OPRM1: variants seen among roughly 807,000 people sequenced by gnomAD.
The protein encoded by OPRM1 is opioid receptor mu 1, also known as mu-type opioid receptor.
Under a neutral mutation model 31.8 loss-of-function variants are expected in OPRM1, and 27 were observed. The ratio of observed to expected loss-of-function variants is 0.85; its 90% CI spans 0.63 to 1.17. OPRM1 has a LOEUF of 1.17. Ranked by LOEUF, OPRM1 falls within the 50% of genes most tolerant of loss-of-function variation. The pLI, the probability that OPRM1 is intolerant of heterozygous loss-of-function variation, is 0.00. For synonymous variants in OPRM1, 196 were observed against 189.9 expected, an observed-to-expected ratio of 1.03 and a Z score of -0.26; for missense variants, 536 against 511.1, an observed-to-expected ratio of 1.05 and a Z score of -0.47.
chr6:154,221,412 G>T, intron 3 of OPRM1: 1 of 1,047,386 alleles, frequency 9.5e-7, no homozygotes, highest in Non-Finnish European at 1.4e-6. Context: ...TAAAATACAA[G>T]CTTTGTAAAC....
intron 3 of OPRM1, among the ~76,000 whole-genome samples, chr6:154,106,596 A>G (rs1437799817): frequency 1.3e-5 from 2 of 152,242 alleles, no homozygotes; most frequent in African/African-American, 4.8e-5. Context: ...CACACAGAAT[A>G]TCTGAGGCAT....
At chr6:154,029,699 TC>T (rs1173301319) in intron 1 of OPRM1, among the ~76,000 whole-genome samples, 5 of 152,180 alleles carry the variant, frequency 3.3e-5, no homozygotes, top group Non-Finnish European at 4.4e-5. Context: ...GTTTCCATAA[TC>T]CCCGCATGTC....
At position 154,229,499 on chromosome 6, in the gene OPRM1, G is replaced by A. The variant is rs4304180; in HGVS notation, c.1165-17194G>A. On this transcript the variant is annotated intron_variant, in intron 3 of 3. Coordinates refer to the OPRM1 transcript ENST00000337049. ...CGAGTAGCTGGGACTACAGGCACCC[G>A]CCACCACACCCGGCTCATTTTTTGT... is the stretch of plus-strand genomic sequence containing the variant. Among the ~76,000 whole-genome samples, 11 of 151,476 alleles carry A rather than the reference G, an allele frequency of 7.3e-5. No homozygotes were observed. The East Asian group carries it at 7.8e-4, about 11-fold the overall frequency.
intron 3 of OPRM1, among the ~76,000 whole-genome samples, chr6:154,151,664 A>G (rs1798501658): frequency 6.6e-6 from 1 of 151,740 alleles, no homozygotes; most frequent in South Asian, 2.1e-4. Flanking sequence ...CATGAGGACA[A>G]TAATGTGCTA....
intron 3 of OPRM1, among the ~76,000 whole-genome samples, chr6:154,219,561 C>T (rs539163751): frequency 3.9e-5 from 6 of 152,130 alleles, no homozygotes; most frequent in African/African-American, 1.2e-4. Context: ...TGCTAGCGGG[C>T]GAGACCTTGT....
intron 3 of OPRM1, among the ~76,000 whole-genome samples, chr6:154,141,564 T>C (rs1294441473): frequency 6.6e-6 from 1 of 152,110 alleles, no homozygotes; most frequent in Non-Finnish European, 1.5e-5. Context: ...CCTCAGGAGG[T>C]CCTGACGACA....
intron 3 of OPRM1, among the ~76,000 whole-genome samples, chr6:154,192,324 G>A (rs2657572): frequency 0.028 from 3,473 of 125,406 alleles, 54 homozygotes; most frequent in Non-Finnish European, 0.041. Context: ...GTTACTGTGT[G>A]TGTGTGTGTG....
At chr6:154,085,769 G>T (rs1166506794) in intron 1 of OPRM1, among the ~76,000 whole-genome samples, 2 of 151,720 alleles carry the variant, frequency 1.3e-5, no homozygotes, top group African/African-American at 4.8e-5. Context: ...TCTTTTGCTA[G>T]TTTGCTAACT....
intron 3 of OPRM1, among the ~76,000 whole-genome samples, chr6:154,140,883 T>C (rs1180339966): frequency 6.6e-6 from 1 of 152,128 alleles, no homozygotes; most frequent in Admixed American, 6.5e-5. Flanking sequence ...CATTCAAGAG[T>C]TGGTTGTCAC....
At chr6:154,012,602 T>C (rs1329987472) in intron 1 of OPRM1, among the ~76,000 whole-genome samples, 1 of 152,150 alleles carries the variant, frequency 6.6e-6, no homozygotes, top group African/African-American at 2.4e-5. Context: ...TTTTCATTAA[T>C]TATTTTTTCT....
At chr6:154,105,398 G>C (rs985104863) in intron 3 of OPRM1, among the ~76,000 whole-genome samples, 1 of 152,174 alleles carries the variant, frequency 6.6e-6, no homozygotes, top group Non-Finnish European at 1.5e-5. Flanking sequence ...GTTAACTCCT[G>C]TTTTGCTTGA....
upstream of OPRM1, among the ~76,000 whole-genome samples, chr6:154,035,713 A>G (rs1779263467): frequency 6.6e-6 from 1 of 152,154 alleles, no homozygotes; most frequent in African/African-American, 2.4e-5. Context: ...CAAAGAAGAG[A>G]AGTGACTTTT....
At chr6:154,163,342 G>A (rs968401285) in intron 3 of OPRM1, among the ~76,000 whole-genome samples, 5 of 152,052 alleles carry the variant, frequency 3.3e-5, no homozygotes, top group Admixed American at 6.6e-5. Flanking sequence ...TGAAATATTC[G>A]GCCTCAGAGA....
chr6:154,052,957 T>C (rs904592501), intron 1 of OPRM1, among the ~76,000 whole-genome samples: 1 of 152,194 alleles, frequency 6.6e-6, no homozygotes, highest in African/African-American at 2.4e-5. Context: ...TGACAGAGCA[T>C]ATTGCTCTTC....
chr6:154,170,645 G>A (rs141024861), intron 3 of OPRM1, among the ~76,000 whole-genome samples: 32 of 152,258 alleles, frequency 2.1e-4, no homozygotes, highest in Admixed American at 7.2e-4. Flanking sequence ...GGCTCACACC[G>A]TGTGCAGACA....
intron 3 of OPRM1, chr6:154,159,777 T>G: frequency 7.0e-7 from 1 of 1,419,854 alleles, no homozygotes; most frequent in South Asian, 1.2e-5. Flanking sequence ...TTGCAACATC[T>G]TGAAGAGTTG....
chr6:154,075,839 T>C (rs1333212847), intron 1 of OPRM1, among the ~76,000 whole-genome samples: 1 of 152,174 alleles, frequency 6.6e-6, no homozygotes. Context: ...GGAATCCCAG[T>C]CTGTCATTTA....
chr6:154,085,111 T>C (rs965388313), intron 1 of OPRM1, among the ~76,000 whole-genome samples: 2 of 152,226 alleles, frequency 1.3e-5, no homozygotes, highest in African/African-American at 4.8e-5. Context: ...TTAGTCTGGC[T>C]TCACTTAACA....
intron 1 of OPRM1, among the ~76,000 whole-genome samples, chr6:154,027,764 A>G (rs1473091595): frequency 2.0e-5 from 3 of 152,176 alleles, no homozygotes; most frequent in Admixed American, 6.5e-5. Context: ...CAGAGCCACT[A>G]CTGGCCCATG....
Sources: allele counts gnomAD v4.1 joint callset (sites outside exome capture counted in the v4.1 genomes callset), GRCh38; gene constraint gnomAD v4.1.1; transcripts MANE v1.5; gene names NCBI Gene and HGNC (gene_info 2026-07-23, HGNC 2026-07-21).